Variants in SYNPR observed in about 807,000 individuals in gnomAD.
The protein encoded by SYNPR is synaptoporin.
In SYNPR, 23 loss-of-function variants were observed where a neutral mutation model predicts 32.9. That is an observed-to-expected ratio of 0.70 (90% CI 0.50 to 0.99). The LOEUF (loss-of-function observed/expected upper bound fraction) is 0.99. SYNPR is among the 50% of genes least tolerant of loss of function. The pLI is 0.00. For missense variants in SYNPR, 318 were observed against 349.3 expected (o/e 0.91, Z 0.71); for synonymous variants, 146 against 135.9 (o/e 1.07, Z -0.52).
chr3:63,330,612 G>C (rs2087217776), intron 2 of SYNPR, among the ~76,000 whole-genome samples: 1 of 152,056 alleles, frequency 6.6e-6, no homozygotes, highest in African/African-American at 2.4e-5. Flanking sequence ...ATAAAAAGAG[G>C]AGATGATAAA....
At chr3:63,293,830 C>A (rs1327170349) in intron 2 of SYNPR, among the ~76,000 whole-genome samples, 1 of 151,886 alleles carries the variant, frequency 6.6e-6, no homozygotes, top group East Asian at 1.9e-4. Context: ...TTCTATGACG[C>A]CAGTCATATT....
chr3:63,341,555 T>C (rs2087371094), intron 2 of SYNPR, among the ~76,000 whole-genome samples: 1 of 152,238 alleles, frequency 6.6e-6, no homozygotes, highest in Admixed American at 6.5e-5. Context: ...CTCTAATAGC[T>C]ATGTAGTGGT....
intron 2 of SYNPR, among the ~76,000 whole-genome samples, chr3:63,309,339 T>C (rs559851185): frequency 1.1e-4 from 16 of 152,052 alleles, no homozygotes; most frequent in Non-Finnish European, 1.9e-4. Flanking sequence ...TTGATTCTTC[T>C]CCTCATTGTG....
intron 4 of SYNPR, among the ~76,000 whole-genome samples, chr3:63,595,065 A>T (rs1699909859): frequency 6.6e-6 from 1 of 152,194 alleles, no homozygotes; most frequent in Non-Finnish European, 1.5e-5. Context: ...TGTGAACCAG[A>T]GGCAATTCAG....
intron 4 of SYNPR, among the ~76,000 whole-genome samples, chr3:63,573,238 G>A (rs1399155933): frequency 2.0e-5 from 3 of 152,100 alleles, no homozygotes; most frequent in Non-Finnish European, 4.4e-5. Context: ...GCTATCAGTT[G>A]GGTCATGTTT....
At chr3:63,561,827 G>T (rs1702695331) in intron 4 of SYNPR, among the ~76,000 whole-genome samples, 1 of 152,158 alleles carries the variant, frequency 6.6e-6, no homozygotes, top group South Asian at 2.1e-4. Context: ...GCAGTTGTGA[G>T]CAATTTCAGA....
chr3:63,566,621 G>A (rs368824189), intron 4 of SYNPR, among the ~76,000 whole-genome samples: 1 of 152,110 alleles, frequency 6.6e-6, no homozygotes, highest in African/African-American at 2.4e-5. Context: ...GCAGGGAGGG[G>A]TTATAATTTT....
chr3:63,274,160 T>C (rs748493719), upstream of SYNPR, among the ~76,000 whole-genome samples: 1 of 152,234 alleles, frequency 6.6e-6, no homozygotes, highest in Non-Finnish European at 1.5e-5. Flanking sequence ...GGGTAGTGTT[T>C]CCTCCTGTAT....
rs531357184 is a variant in SYNPR at position 63,583,983 on chromosome 3, AGAG to A, written c.409-25135_409-25133del. Among the ~76,000 whole-genome samples the A allele has an allele frequency of 6.0e-4, 91 of 152,212 alleles. 1 individual carries two copies. The Middle Eastern group carries it at 0.01, about 17-fold the overall frequency. On this transcript the variant is annotated intron_variant, in intron 4 of 5. Transcript: ENST00000478300. ...GAAAAGACTGGTAGAGCAGGCTTAC[AGAG>A]GAGGAGTAGATGGGGGTGATAGAGG...
chr3:63,454,358 G>A (rs1328987573), intron 2 of SYNPR, among the ~76,000 whole-genome samples: 1 of 152,094 alleles, frequency 6.6e-6, no homozygotes, highest in East Asian at 1.9e-4. Flanking sequence ...ATGAAACTCA[G>A]TATTTGAAAA....
intron 3 of SYNPR, among the ~76,000 whole-genome samples, chr3:63,507,172 A>G (rs1009613002): frequency 2.0e-5 from 3 of 152,040 alleles, no homozygotes; most frequent in African/African-American, 7.2e-5. Flanking sequence ...AAAAGAAAAG[A>G]AAAAGAAATT....
chr3:63,451,565 T>C (rs951843667), intron 2 of SYNPR, among the ~76,000 whole-genome samples: 1 of 152,148 alleles, frequency 6.6e-6, no homozygotes, highest in Non-Finnish European at 1.5e-5. Context: ...CCATCAGTCT[T>C]GCCATTACCC....
intron 2 of SYNPR, among the ~76,000 whole-genome samples, chr3:63,397,036 G>A (rs866683571): frequency 3.3e-5 from 5 of 151,390 alleles, no homozygotes; most frequent in Middle Eastern, 3.2e-3. Flanking sequence ...CCCGGGAGGC[G>A]GAGCTTGCAG....
chr3:63,521,429 TGC>T (rs1701912064), intron 3 of SYNPR, among the ~76,000 whole-genome samples: 1 of 152,210 alleles, frequency 6.6e-6, no homozygotes, highest in African/African-American at 2.4e-5. Flanking sequence ...ACTGAGTGCG[TGC>T]TGAGTACCAG....
upstream of SYNPR, among the ~76,000 whole-genome samples, chr3:63,227,300 A>G (rs77646304): frequency 0.011 from 1,730 of 152,352 alleles, 36 homozygotes; most frequent in African/African-American, 0.039. Context: ...AAGATCTGTC[A>G]GTAAACAATC....
chr3:63,305,288 G>A (rs998266176), intron 2 of SYNPR, among the ~76,000 whole-genome samples: 1 of 151,996 alleles, frequency 6.6e-6, no homozygotes, highest in Non-Finnish European at 1.5e-5. Flanking sequence ...CATGAGATAC[G>A]CTGAGCTAGA....
intron 3 of SYNPR, among the ~76,000 whole-genome samples, chr3:63,526,799 A>G (rs1052314116): frequency 6.6e-6 from 1 of 152,196 alleles, no homozygotes; most frequent in Non-Finnish European, 1.5e-5. Context: ...AAGCCTGGAA[A>G]TGAGGGGAAT....
intron 3 of SYNPR, among the ~76,000 whole-genome samples, chr3:63,495,251 A>C: frequency 6.6e-6 from 1 of 152,204 alleles, no homozygotes; most frequent in East Asian, 1.9e-4. Flanking sequence ...GTTTTCTAAG[A>C]ATAAAGCTAT....
intron 2 of SYNPR, among the ~76,000 whole-genome samples, chr3:63,478,945 T>C (rs1009345192): frequency 6.6e-6 from 1 of 152,198 alleles, no homozygotes; most frequent in Non-Finnish European, 1.5e-5. Flanking sequence ...TTTCTATTAA[T>C]ACTACTAATA....
Sources: allele counts gnomAD v4.1 joint callset (sites outside exome capture counted in the v4.1 genomes callset), GRCh38; gene constraint gnomAD v4.1.1; transcripts MANE v1.5; gene names NCBI Gene and HGNC (gene_info 2026-07-23, HGNC 2026-07-21).